Variants in PSD2 observed in about 807,000 individuals in gnomAD.
PSD2 encodes PH and SEC7 domain-containing protein 2.
In PSD2, 38 loss-of-function variants were observed where a neutral mutation model predicts 69.8. The ratio of observed to expected loss-of-function variants is 0.54; its 90% CI spans 0.42 to 0.71. The LOEUF is 0.71. Among genes scored for constraint, PSD2 ranks in the 30% least tolerant of loss-of-function variants. PSD2 has a pLI of 0.00. For missense variants in PSD2, 943 were observed against 1,014.5 expected (o/e 0.93, Z 0.96); for synonymous variants, 412 against 423.0 (o/e 0.97, Z 0.32).
intron 1 of PSD2, among the ~76,000 whole-genome samples, chr5:139,798,040 C>T (rs1003128548): frequency 3.3e-5 from 5 of 152,234 alleles, no homozygotes; most frequent in African/African-American, 4.8e-5. Context: ...TCACAACAGA[C>T]GATGCTCTAG....
chr5:139,782,813 A>G, the PSD2 span, among the ~76,000 whole-genome samples: 2 of 152,268 alleles, frequency 1.3e-5, no homozygotes, highest in East Asian at 3.9e-4. Context: ...TTTGAAGGTC[A>G]CTTGGCTTTA....
At chr5:139,830,938 G>C (rs976072420) in intron 7 of PSD2, among the ~76,000 whole-genome samples, 1 of 138,636 alleles carries the variant, frequency 7.2e-6, no homozygotes, top group African/African-American at 2.7e-5. Context: ...CTAAGAATTT[G>C]TCCATTTCAT....
upstream of PSD2, among the ~76,000 whole-genome samples, chr5:139,792,423 G>GC (rs1003360001): frequency 1.3e-5 from 2 of 152,162 alleles, no homozygotes; most frequent in East Asian, 1.9e-4. Context: ...AATGCAGCTG[G>GC]CCCCCCCTCC....
intron 6 of PSD2, 108 bp from the exon 7 acceptor site, chr5:139,822,618 C>T (rs945904730): frequency 9.7e-6 from 9 of 932,224 alleles, no homozygotes; most frequent in African/African-American, 1.7e-5. Flanking sequence ...GTTTGGCAGG[C>T]GGCCGGCCTC....
At chr5:139,762,366 A>G in the PSD2 span, among the ~76,000 whole-genome samples, 1 of 145,480 alleles carries the variant, frequency 6.9e-6, no homozygotes, top group South Asian at 2.2e-4. Context: ...TTCTTAAGAC[A>G]GGGTCTTGCT....
At chr5:139,787,302 C>T in the PSD2 span, among the ~76,000 whole-genome samples, 1 of 152,198 alleles carries the variant, frequency 6.6e-6, no homozygotes, top group South Asian at 2.1e-4. Flanking sequence ...TCTGCCCCTC[C>T]ACTCCACCCC....
chr5:139,829,702 G>C (rs1760522650), intron 7 of PSD2, among the ~76,000 whole-genome samples: 1 of 152,114 alleles, frequency 6.6e-6, no homozygotes, highest in African/African-American at 2.4e-5. Context: ...TCCATTGTAT[G>C]GATATGCCAC....
At chr5:139,754,497 C>A in the PSD2 span, among the ~76,000 whole-genome samples, 1 of 151,644 alleles carries the variant, frequency 6.6e-6, no homozygotes, top group African/African-American at 2.4e-5. Flanking sequence ...GTTCGAGCTC[C>A]AGCCTGGGCA....
At chr5:139,787,065 G>T in the PSD2 span, among the ~76,000 whole-genome samples, 2 of 152,030 alleles carry the variant, frequency 1.3e-5, no homozygotes, top group East Asian at 1.9e-4. Context: ...GGGCCTGGGG[G>T]GTGTGTGGGA....
Position 139,842,303 on chromosome 5 carries a change from G to A in PSD2, c.2145G>A (p.Leu715=). The A allele has an allele frequency of 6.2e-7, 1 of 1,614,202 alleles. No homozygotes were observed. Among genetic ancestry groups the A allele is most frequent in the Non-Finnish European group, 8.5e-7 (1 of 1,180,044 alleles). The part of the protein sequence containing the change: ...KSRYETYIHL[L]AMKIKVGSDD... ...GTTATGAGACCTATATCCACCTCCT[G>A]GCTATGAAAATCAAAGTGGGCTCAG... The change falls in exon 15 of 15, where the codon CTG becomes CTA. Residue 715 remains leucine (L), a synonymous_variant. Transcript: ENST00000274710.
upstream of PSD2, among the ~76,000 whole-genome samples, chr5:139,793,927 G>A (rs1759463761): frequency 6.6e-6 from 1 of 152,172 alleles, no homozygotes; most frequent in African/African-American, 2.4e-5. Context: ...GTGACTTGAG[G>A]GCATGGGTGC....
chr5:139,768,104 G>C, the PSD2 span, among the ~76,000 whole-genome samples: 1 of 152,284 alleles, frequency 6.6e-6, no homozygotes, highest in Non-Finnish European at 1.5e-5. Context: ...GAGGTAGCAC[G>C]TGTCCCAGCC....
At chr5:139,811,448 G>T (rs1043964981) in intron 2 of PSD2, among the ~76,000 whole-genome samples, 18 of 152,180 alleles carry the variant, frequency 1.2e-4, no homozygotes, top group Non-Finnish European at 2.1e-4. Context: ...GAGCCTCAGG[G>T]GAGGCTGATG....
At chr5:139,794,053 G>A (rs537706449), upstream of PSD2, among the ~76,000 whole-genome samples, 14 of 152,312 alleles carry the variant, frequency 9.2e-5, no homozygotes, top group East Asian at 2.7e-3. Context: ...TAGAATGCAG[G>A]ACAGCAGGGA....
the PSD2 span, among the ~76,000 whole-genome samples, chr5:139,759,523 C>T: frequency 6.6e-6 from 1 of 152,138 alleles, no homozygotes; most frequent in Non-Finnish European, 1.5e-5. Flanking sequence ...TTTTCTGCGG[C>T]GGATGACAGG....
chr5:139,834,856 A>G (rs1760677599), intron 8 of PSD2, among the ~76,000 whole-genome samples: 1 of 151,550 alleles, frequency 6.6e-6, no homozygotes, highest in Non-Finnish European at 1.5e-5. Context: ...CCACTTCTGC[A>G]CCCATCCACT....
chr5:139,807,568 T>A (rs977654655), intron 1 of PSD2, among the ~76,000 whole-genome samples: 2 of 152,186 alleles, frequency 1.3e-5, no homozygotes, highest in African/African-American at 2.4e-5. Flanking sequence ...TTTTGAGATG[T>A]TTAAGTCTGT....
At chr5:139,836,634 G>T (rs992000796) in intron 9 of PSD2, among the ~76,000 whole-genome samples, 177 bp from the exon 10 acceptor site, 2 of 152,182 alleles carry the variant, frequency 1.3e-5, no homozygotes, top group African/African-American at 4.8e-5. Context: ...GGAGATGAGA[G>T]GAGGGGTCAG....
upstream of PSD2, among the ~76,000 whole-genome samples, chr5:139,791,918 GGAGCTTT>G (rs997725366): frequency 6.6e-6 from 1 of 152,216 alleles, no homozygotes; most frequent in African/African-American, 2.4e-5. Flanking sequence ...ACTTTTTCAA[GGAGCTTT>G]GCTGTAATAG....
Sources: gnomAD v4.1 joint callset for allele counts (sites outside exome capture counted in the v4.1 genomes callset) on GRCh38, gnomAD v4.1.1 for gene constraint, MANE v1.5 for transcripts, NCBI Gene and HGNC (gene_info 2026-07-23, HGNC 2026-07-21) for gene names.